The following GPC5 variants were observed in gnomAD, a reference collection of about 807,000 sequenced individuals.
GPC5 encodes the protein glypican-5.
In GPC5, 47 loss-of-function variants were observed where a neutral mutation model predicts 53.9. That is an observed-to-expected ratio of 0.87 (90% CI 0.69 to 1.11). The LOEUF (loss-of-function observed/expected upper bound fraction) is 1.11. GPC5 is among the 50% of genes most tolerant of loss of function. The pLI is 0.00. For missense variants in GPC5, 748 were observed against 713.1 expected (o/e 1.05, Z -0.56); for synonymous variants, 286 against 263.3 (o/e 1.09, Z -0.84).
chr13:92,425,384 G>A (rs573636327), intron 7 of GPC5, among the ~76,000 whole-genome samples: 1 of 151,976 alleles, frequency 6.6e-6, no homozygotes, highest in Non-Finnish European at 1.5e-5. Context: ...TATGGCTAAT[G>A]TTTCTAACAT....
chr13:92,218,242 T>G (rs186187273), intron 7 of GPC5, among the ~76,000 whole-genome samples: 17 of 152,222 alleles, frequency 1.1e-4, no homozygotes, highest in Non-Finnish European at 1.5e-5. Context: ...AAACAGAAAT[T>G]GACATGTCTG....
chr13:92,403,012 A>G (rs990365191), intron 7 of GPC5, among the ~76,000 whole-genome samples: 2 of 152,180 alleles, frequency 1.3e-5, no homozygotes, highest in African/African-American at 4.8e-5. Context: ...AATGTTAAGT[A>G]TGTCAAATTT....
chr13:91,463,139 A>C (rs1441061710), intron 2 of GPC5, among the ~76,000 whole-genome samples: 1 of 152,092 alleles, frequency 6.6e-6, no homozygotes, highest in Admixed American at 6.6e-5. Flanking sequence ...AAAATGGCAT[A>C]GTATTTGCAT....
chr13:92,500,163 T>A (rs1241792599), intron 7 of GPC5, among the ~76,000 whole-genome samples: 1 of 152,104 alleles, frequency 6.6e-6, no homozygotes, highest in African/African-American at 2.4e-5. Context: ...GCTTGAGAAC[T>A]GAGAAAATGG....
intron 2 of GPC5, among the ~76,000 whole-genome samples, chr13:91,459,840 A>T (rs927789649): frequency 1.3e-5 from 2 of 152,174 alleles, no homozygotes; most frequent in Middle Eastern, 3.2e-3. Flanking sequence ...ATATGAAAAT[A>T]CAATTGATTT....
intron 7 of GPC5, among the ~76,000 whole-genome samples, chr13:92,351,891 ATTCT>A (rs2043481227): frequency 6.6e-6 from 1 of 152,198 alleles, no homozygotes; most frequent in African/African-American, 2.4e-5. Flanking sequence ...TGAAATAATG[ATTCT>A]TTCTAAATTG....
At chr13:91,639,207 G>C (rs2034358774) in intron 2 of GPC5, among the ~76,000 whole-genome samples, 1 of 152,208 alleles carries the variant, frequency 6.6e-6, no homozygotes, top group African/African-American at 2.4e-5. Flanking sequence ...TAGGTAAACA[G>C]ATATAAGTGT....
At chr13:92,754,846 T>G (rs1340684281) in intron 7 of GPC5, among the ~76,000 whole-genome samples, 1 of 144,002 alleles carries the variant, frequency 6.9e-6, no homozygotes, top group Non-Finnish European at 1.5e-5. Context: ...CAGAGTGACC[T>G]ACAAAGAGAC....
At chr13:92,756,568 A>C (rs902919305) in intron 7 of GPC5, among the ~76,000 whole-genome samples, 14 of 151,648 alleles carry the variant, frequency 9.2e-5, no homozygotes, top group East Asian at 3.9e-4. Flanking sequence ...ACATGATTGT[A>C]TATCTAGAAA....
chr13:91,674,479 A>G (rs1208437976), intron 2 of GPC5, among the ~76,000 whole-genome samples: 2 of 150,370 alleles, frequency 1.3e-5, no homozygotes, highest in Admixed American at 6.7e-5. Context: ...ATACACACAC[A>G]CGCGCATGTG....
At chr13:91,932,610 C>T (rs1402296153) in intron 6 of GPC5, among the ~76,000 whole-genome samples, 1 of 151,980 alleles carries the variant, frequency 6.6e-6, no homozygotes, top group Non-Finnish European at 1.5e-5. Context: ...TTGGGCTTAA[C>T]ATTTTAAAGT....
At chr13:91,667,341 A>T (rs1489550775) in intron 2 of GPC5, among the ~76,000 whole-genome samples, 1 of 152,146 alleles carries the variant, frequency 6.6e-6, no homozygotes, top group East Asian at 1.9e-4. Flanking sequence ...ACATTTATAT[A>T]TGCCTTCTCT....
intron 7 of GPC5, among the ~76,000 whole-genome samples, chr13:92,552,381 C>A (rs1292942022): frequency 4.6e-5 from 7 of 151,814 alleles, no homozygotes; most frequent in Non-Finnish European, 8.8e-5. Flanking sequence ...GTGGTATCTG[C>A]AGGAATCATA....
chr13:91,408,732 T>C (rs761180747), intron 1 of GPC5, among the ~76,000 whole-genome samples: 8 of 152,222 alleles, frequency 5.3e-5, no homozygotes, highest in Non-Finnish European at 1.2e-4. Context: ...TGTTTATTAC[T>C]CTTATTAGGA....
chr13:91,775,385 A>G (rs1276068916), intron 5 of GPC5, among the ~76,000 whole-genome samples: 2 of 152,124 alleles, frequency 1.3e-5, no homozygotes, highest in African/African-American at 2.4e-5. Context: ...CTGGGTTTTT[A>G]TAACAGATTC....
At chr13:91,747,460 C>A (rs1594515427) in intron 4 of GPC5, among the ~76,000 whole-genome samples, 3 of 152,272 alleles carry the variant, frequency 2.0e-5, no homozygotes, top group African/African-American at 7.2e-5. Context: ...TGTGCTACAG[C>A]CTTTTTCTAC....
At chr13:91,454,251 C>T (rs145123493) in intron 2 of GPC5, among the ~76,000 whole-genome samples, 289 of 152,160 alleles carry the variant, frequency 1.9e-3, no homozygotes, top group African/African-American at 6.7e-3. Context: ...TACTTTTCAG[C>T]TGGAAATAAA....
intron 2 of GPC5, among the ~76,000 whole-genome samples, chr13:91,613,378 C>T (rs554718267): frequency 1.0e-3 from 152 of 152,222 alleles, no homozygotes; most frequent in Non-Finnish European, 1.9e-3. Context: ...GACTTATTCA[C>T]TATCGCAAGA....
At chr13:91,698,122 C>T (rs1275366022) in intron 3 of GPC5, among the ~76,000 whole-genome samples, 5 of 151,880 alleles carry the variant, frequency 3.3e-5, no homozygotes, top group African/African-American at 9.7e-5. Context: ...AGGTTGGTCT[C>T]GAGCTCCTGA....
Sources: allele counts gnomAD v4.1 joint callset (sites outside exome capture counted in the v4.1 genomes callset), GRCh38; gene constraint gnomAD v4.1.1; transcripts MANE v1.5; gene names NCBI Gene and HGNC (gene_info 2026-07-23, HGNC 2026-07-21).